VPS36: variants seen among roughly 807,000 people sequenced by gnomAD.
VPS36 encodes the protein vacuolar protein sorting 36 homolog.
A neutral mutation model predicts 63.5 loss-of-function variants in VPS36; 31 were observed. That is an observed-to-expected ratio of 0.49 (90% confidence interval 0.37 to 0.66). The LOEUF is 0.66. Among genes scored for constraint, VPS36 ranks in the 30% least tolerant of loss-of-function variants. The pLI is 0.00. For synonymous variants in VPS36, 138 were observed against 157.2 expected (o/e 0.88, Z 0.91); for missense variants, 338 against 463.7 (o/e 0.73, Z 2.49).
At chr13:52,429,960 G>C (rs1958138777) in intron 6 of VPS36, among the ~76,000 whole-genome samples, 1 of 152,158 alleles carries the variant, frequency 6.6e-6, no homozygotes, top group Admixed American at 6.5e-5. Flanking sequence ...CTAAAATGGG[G>C]AGGATGGTGC....
chr13:52,429,374 C>A, intron 6 of VPS36: 1 of 858,312 alleles, frequency 1.2e-6, no homozygotes, highest in Non-Finnish European at 1.4e-6. Context: ...TCTGCTAGAG[C>A]CTATTCATCT....
chr13:52,427,357 G>A (rs1958112827), intron 6 of VPS36, 138 bp from the exon 7 acceptor site: 1 of 805,966 alleles, frequency 1.2e-6, no homozygotes, highest in East Asian at 2.7e-5. Flanking sequence ...TATAATCCCA[G>A]CACTCTGGGA....
chr13:52,418,133 C>A, intron 10 of VPS36, 77 bp from the exon 11 acceptor site: 1 of 1,268,730 alleles, frequency 7.9e-7, no homozygotes, highest in Non-Finnish European at 1.1e-6. Context: ...TTTAAAATTA[C>A]CATTTATCAA....
rs1232450548 is a variant in VPS36 at position 52,412,907 on chromosome 13, C to G, written c.*2923G>C. The G allele has an allele frequency of 6.6e-6, 1 of 152,558 alleles. No individual in the cohort carries two copies. The highest frequency in any genetic ancestry group is 1.5e-5 in the Non-Finnish European group (1 of 68,040). 9.5% of individuals were successfully genotyped at this position (152,558 alleles called of 1,614,324 possible). A position where few individuals can be genotyped will look rare whatever the true frequency, so the allele number is the denominator to read the frequency against. On this transcript the variant is annotated 3_prime_UTR_variant, in exon 14 of 14. Coordinates refer to ENST00000378060, the MANE Select transcript of VPS36 (RefSeq NM_016075.4). ...GACACATGCATGGAAATTATTAATGCTATAAGAATCTCTTGATATGCAGTT... is the reference window on the plus strand; with the variant it reads ...GACACATGCATGGAAATTATTAATGGTATAAGAATCTCTTGATATGCAGTT...
chr13:52,418,101 T>A, intron 10 of VPS36, 45 bp from the exon 11 acceptor site: 1 of 1,489,252 alleles, frequency 6.7e-7, no homozygotes, highest in Non-Finnish European at 9.3e-7. Context: ...ATGGTAATGA[T>A]CACTAAAACA....
At position 52,434,262 on chromosome 13, in the gene VPS36, C is replaced by T. The variant is rs948316064; in HGVS notation, c.442-514G>A. Among the ~76,000 whole-genome samples the T allele has an allele frequency of 4.6e-5, 7 of 152,314 alleles. 1 individual carries two copies. In the East Asian group the frequency reaches 1.3e-3, roughly 29 times the overall value. ...AACAGAATGCAGTGAGTGAACCCTA[C>T]CTTCTATCACCCTAAGAATTACGCT... On this transcript the variant is annotated intron_variant, in intron 5 of 13. Transcript: ENST00000378060.
chr13:52,433,759 A>G lies in VPS36; in HGVS notation c.442-11T>C. 6.3e-7 allele frequency: 1 copy of G among 1,588,120 alleles called. No homozygotes were observed. On this transcript the variant is annotated splice_polypyrimidine_tract_variant and intron_variant, in intron 5 of 13. Transcript: ENST00000378060. Reference sequence around the variant, plus strand: ...CCTTATTCTTCCTGGCTGAAAAAAAAAAGAGGTAGAAAATAAAACATACAA... The same window carrying G: ...CCTTATTCTTCCTGGCTGAAAAAAAGAAGAGGTAGAAAATAAAACATACAA...
intron 1 of VPS36, among the ~76,000 whole-genome samples, chr13:52,448,726 T>C (rs188064999): frequency 2.1e-3 from 313 of 152,360 alleles, no homozygotes; most frequent in African/African-American, 6.9e-3. Context: ...CTATCACAGC[T>C]ATACTGCCTG....
rs756944757 is a variant in VPS36, at chr13:52,436,302, A to G, written c.339T>C (p.His113=). 3.1e-6 allele frequency: 5 copies of G among 1,609,816 alleles called. No individual in the cohort carries two copies. The highest frequency in any genetic ancestry group is 4.5e-5 in the East Asian group (2 of 44,800). Residue 113 remains histidine (H), a synonymous_variant, in exon 4 of 14, where the codon CAT becomes CAC. Coordinates refer to ENST00000378060, the MANE Select transcript of VPS36 (RefSeq NM_016075.4). ...NSYIKLSFKE[H]GQIEFYRRLS... is the part of the protein sequence containing the mutation. ...TGTAGAAACTTACCTCAATCTGGCCATGTTCTTTGAAGGAGAGTTTGATGT... is the reference window on the plus strand; with the variant it reads ...TGTAGAAACTTACCTCAATCTGGCCGTGTTCTTTGAAGGAGAGTTTGATGT...
At chr13:52,446,218 A>G (rs1387044629) in intron 1 of VPS36, among the ~76,000 whole-genome samples, 1 of 151,714 alleles carries the variant, frequency 6.6e-6, no homozygotes, top group Non-Finnish European at 1.5e-5. Context: ...GTGAGCCAAG[A>G]TCGCACCACC....
intron 10 of VPS36, among the ~76,000 whole-genome samples, chr13:52,418,970 G>C (rs1260701755): frequency 6.6e-6 from 1 of 152,204 alleles, no homozygotes; most frequent in African/African-American, 2.4e-5. Flanking sequence ...CCTTGCTCAA[G>C]TTATTTCATC....
At chr13:52,447,769 G>A (rs1454993609) in intron 1 of VPS36, among the ~76,000 whole-genome samples, 1 of 149,836 alleles carries the variant, frequency 6.7e-6, no homozygotes. Flanking sequence ...ACCGGTGACT[G>A]CTACATTATG....
chr13:52,441,563 C>A (rs1958277096), intron 2 of VPS36, among the ~76,000 whole-genome samples: 1 of 152,148 alleles, frequency 6.6e-6, no homozygotes, highest in African/African-American at 2.4e-5. Flanking sequence ...CCAGCCTGAA[C>A]AACTTGGCTA....
At chr13:52,427,717 TAC>T (rs1958117315) in intron 6 of VPS36, among the ~76,000 whole-genome samples, 1 of 152,072 alleles carries the variant, frequency 6.6e-6, no homozygotes, top group Non-Finnish European at 1.5e-5. Flanking sequence ...TAAAAAACCA[TAC>T]ATTTTCCAAA....
intron 4 of VPS36, among the ~76,000 whole-genome samples, chr13:52,435,537 G>A (rs1958207432): frequency 6.6e-6 from 1 of 152,156 alleles, no homozygotes; most frequent in Non-Finnish European, 1.5e-5. Flanking sequence ...CAAACACAGT[G>A]CCAGGAAAAA....
chr13:52,427,250 C>G, intron 6 of VPS36, 31 bp from the exon 7 acceptor site: 1 of 1,604,100 alleles, frequency 6.2e-7, no homozygotes, highest in Non-Finnish European at 8.5e-7. Flanking sequence ...TGGTTGAAAT[C>G]CATCTAAAGA....
rs1056335 is a variant in VPS36 at position 52,415,728 on chromosome 13, C to T, written c.*102G>A. 0.61 allele frequency: 667,021 copies of T among 1,091,194 alleles called. 205,217 individuals are homozygous for T. Among genetic ancestry groups the T allele is most frequent in the Middle Eastern group, 0.69 (3,337 of 4,804 alleles). 67.6% of individuals were successfully genotyped at this position (1,091,194 alleles called of 1,614,324 possible). Reference sequence around the variant, plus strand: ...AGATTTACATTGCACTGTGAAGTTCCAATAAATTCTCAATTGATCGGGGTT... The same window carrying T: ...AGATTTACATTGCACTGTGAAGTTCTAATAAATTCTCAATTGATCGGGGTT... On this transcript the variant is annotated 3_prime_UTR_variant, in exon 14 of 14. Transcript: ENST00000378060.
At chr13:52,441,796 C>T (rs565674717) in intron 2 of VPS36, among the ~76,000 whole-genome samples, 9 of 152,100 alleles carry the variant, frequency 5.9e-5, no homozygotes, top group Non-Finnish European at 1.3e-4. Context: ...TGCTGAGTGA[C>T]TTAGAGACAG....
At chr13:52,426,817 T>TGCACTCCAGCCTGGGCGACGGAGCG (rs1958106038) in intron 8 of VPS36, among the ~76,000 whole-genome samples, 172 bp downstream of exon 8, 1 of 152,158 alleles carries the variant, frequency 6.6e-6, no homozygotes, top group South Asian at 2.1e-4. Flanking sequence ...ATCGTGCCAC[T>TGCACTCCAGCCTGGGCGACGGAGCG]GCACTCCAGC....
Sources: gnomAD v4.1 joint callset for allele counts (sites outside exome capture counted in the v4.1 genomes callset) on GRCh38, gnomAD v4.1.1 for gene constraint, MANE v1.5 for transcripts, NCBI Gene and HGNC (gene_info 2026-07-23, HGNC 2026-07-21) for gene names.